MOG: variants seen among roughly 807,000 people sequenced by gnomAD.
MOG encodes the protein myelin oligodendrocyte glycoprotein, also known as myelin-oligodendrocyte glycoprotein.
Under a neutral mutation model 35.9 loss-of-function variants are expected in MOG, and 20 were observed. The ratio of observed to expected loss-of-function variants is 0.56; its 90% confidence interval spans 0.39 to 0.81. The LOEUF (loss-of-function observed/expected upper bound fraction) is 0.81. Ranked by LOEUF, MOG falls within the 30% of genes least tolerant of loss-of-function variation. The pLI is 0.00. For missense variants in MOG, 251 were observed against 301.0 expected, an observed-to-expected ratio of 0.83 and a Z score of 1.23; for synonymous variants, 92 against 114.3, an observed-to-expected ratio of 0.80 and a Z score of 1.25.
intron 5 of MOG, among the ~76,000 whole-genome samples, chr6:29,669,928 GCCCAC>G (rs1771089086): frequency 6.6e-6 from 1 of 151,816 alleles, no homozygotes; most frequent in East Asian, 1.9e-4. Flanking sequence ...GTGCCACCAC[GCCCAC>G]CTAATTTTTA....
At chr6:29,669,070 G>A (rs761691467) in intron 5 of MOG, among the ~76,000 whole-genome samples, 5 of 151,662 alleles carry the variant, frequency 3.3e-5, no homozygotes, top group Admixed American at 6.6e-5. Flanking sequence ...ACAGGTGCCC[G>A]CCACCACACC....
chr6:29,660,562 G>GCGCA (rs1339280106), intron 2 of MOG, among the ~76,000 whole-genome samples: 11 of 129,200 alleles, frequency 8.5e-5, no homozygotes, highest in African/African-American at 3.3e-4. Flanking sequence ...ATTTGTGAGC[G>GCGCA]CACACACACA....
chr6:29,668,010 C>A, intron 5 of MOG, 86 bp downstream of exon 5: 3 of 1,292,522 alleles, frequency 2.3e-6, no homozygotes, highest in Non-Finnish European at 3.4e-6. Context: ...GGACCCCTGG[C>A]TCCTGGTTGA....
Position 29,670,195 on chromosome 6 carries a change from C to T in MOG, c.593-86C>T, listed in dbSNP as rs764633389. 1 of 1,613,818 alleles carries T rather than the reference C, an allele frequency of 6.2e-7. No individual in the cohort carries two copies. The highest frequency in any genetic ancestry group is 8.5e-7 in the Non-Finnish European group (1 of 1,179,830). ...CCAGAGTCCTTTGGTGTTCTAGGAC[C>T]CCAGGTTAAGGAACCAAAAAAGACA... is the stretch of plus-strand genomic sequence containing the variant. On this transcript the variant is annotated intron_variant, in intron 5 of 7. Coordinates refer to ENST00000376917, the MANE Select transcript of MOG (RefSeq NM_206809.4). The surrounding 1 kb of genome is among the most constrained non-coding windows in gnomAD (Gnocchi z 4.2).
Position 29,670,012 on chromosome 6 carries a change from A to C in MOG, c.593-269A>C. The C allele has an allele frequency of 1.4e-6, 1 of 698,854 alleles. No individual in the cohort carries two copies. Among genetic ancestry groups the C allele is most frequent in the South Asian group, 1.6e-5 (1 of 63,160 alleles). 43.3% of individuals were successfully genotyped at this position (698,854 alleles called of 1,614,324 possible). On this transcript the variant is annotated intron_variant, in intron 5 of 7. Transcript: ENST00000376917. The surrounding 1 kb of genome is among the most constrained non-coding windows in gnomAD (Gnocchi z 4.2). The stretch of plus-strand genomic sequence containing the variant: ...TCTTGAACTCTTGGCCTCATGATCC[A>C]CCCGTCTCGGACTCCCAGAGTGTTG...
intron 2 of MOG, chr6:29,664,670 T>A (rs986629260): frequency 1.3e-5 from 6 of 451,588 alleles, no homozygotes; most frequent in African/African-American, 1.2e-4. Context: ...AGTGGCACGA[T>A]CATGGCTCAT....
At chr6:29,667,736 T>C in intron 4 of MOG, 73 bp downstream of exon 4, 1 of 1,578,208 alleles carries the variant, frequency 6.3e-7, no homozygotes, top group Non-Finnish European at 8.7e-7. Flanking sequence ...GTCCCGTTCT[T>C]GGACCGTCTC....
chr6:29,667,425 C>A (rs1301932069), intron 3 of MOG, among the ~76,000 whole-genome samples: 2 of 152,176 alleles, frequency 1.3e-5, no homozygotes, highest in Non-Finnish European at 2.9e-5. Context: ...TGGCTTGGAG[C>A]ATTGCTCACA....
Position 29,671,310 on chromosome 6 carries a change from A to C in MOG, c.*125A>C. The C allele has an allele frequency of 1.2e-6, 2 of 1,611,748 alleles. No individual in the cohort carries two copies. The highest frequency in any genetic ancestry group is 2.2e-5 in the East Asian group (1 of 44,878). The stretch of plus-strand genomic sequence containing the variant: ...TTGCTATGGGGACATTCCAATTTGC[A>C]CTTTCAGGAACACTCTGAATTCCAA... On this transcript the variant is annotated 3_prime_UTR_variant, in exon 8 of 8. Transcript: ENST00000376917.
In MOG at chr6:29,671,201, G is replaced by C. The variant is rs763415325; in HGVS notation, c.*16G>C. The C allele has an allele frequency of 1.9e-6, 3 of 1,612,856 alleles. No individual in the cohort carries two copies. Among genetic ancestry groups the C allele is most frequent in the South Asian group, 2.2e-5 (2 of 91,076 alleles). ...TCCCTTCTGAGTGATGTCACATCTTGGCAGGGGTGGAGGAGAGCCTGGTTG... is the reference window on the plus strand; with the variant it reads ...TCCCTTCTGAGTGATGTCACATCTTCGCAGGGGTGGAGGAGAGCCTGGTTG... On this transcript the variant is annotated 3_prime_UTR_variant, in exon 8 of 8. Coordinates refer to ENST00000376917, the MANE Select transcript of MOG (RefSeq NM_206809.4).
chr6:29,662,451 C>A lies in MOG; in HGVS notation c.436+2785C>A, dbSNP rs1769034532. ...TGAGCCAAGATCGCGCCATTGCACT[C>A]CAGCCTGGGCAACAAGAGCAAAACT... On this transcript the variant is annotated intron_variant, in intron 2 of 7. Coordinates refer to ENST00000376917, the MANE Select transcript of MOG (RefSeq NM_206809.4). This position sits in a 1 kb window ranked among gnomAD's most constrained non-coding sequence, Gnocchi z 4.2. Among the ~76,000 whole-genome samples the A allele has an allele frequency of 1.3e-5, 2 of 151,794 alleles. No individual in the cohort carries two copies. Among genetic ancestry groups the A allele is most frequent in the Non-Finnish European group, 1.5e-5 (1 of 67,998 alleles).
intron 2 of MOG, among the ~76,000 whole-genome samples, chr6:29,663,013 T>C (rs1769218127): frequency 6.6e-6 from 1 of 152,166 alleles, no homozygotes; most frequent in East Asian, 1.9e-4. Flanking sequence ...CTCACACCTG[T>C]AATCCCAGTA....
Position 29,661,549 on chromosome 6 carries a change from G to T in MOG, c.436+1883G>T, listed in dbSNP as rs1004177326. On this transcript the variant is annotated intron_variant, in intron 2 of 7. Transcript: ENST00000376917. ...CAAAAAAGGAAGACAAGCCGGTTGC[G>T]GTGGCTCACACCTATAATCCCAAAA... 7 of 985,204 alleles carry T rather than the reference G, an allele frequency of 7.1e-6. No individual in the cohort carries two copies. In the Admixed American group the frequency reaches 4.3e-4, roughly 61 times the overall value. 61.0% of individuals were successfully genotyped at this position (985,204 alleles called of 1,614,324 possible).
At position 29,670,986 on chromosome 6, in the gene MOG, A is replaced by C; in HGVS notation, c.731-186A>C. The C allele has an allele frequency of 1.2e-6, 2 of 1,612,304 alleles. No individual in the cohort carries two copies. Among genetic ancestry groups the C allele is most frequent in the Non-Finnish European group, 1.7e-6 (2 of 1,179,826 alleles). ...TCCTCCTTCACTGCCCCTAAGCAGG[A>C]ATCCAACCCTAGCTGGTCTCATTGC... is the stretch of plus-strand genomic sequence containing the variant. On this transcript the variant is annotated intron_variant, in intron 7 of 7. Transcript: ENST00000376917. The surrounding 1 kb of genome is among the most constrained non-coding windows in gnomAD (Gnocchi z 4.2).
chr6:29,666,009 T>G lies in MOG; in HGVS notation c.437-143T>G, dbSNP rs969216886. 5 of 750,420 alleles carry G rather than the reference T, an allele frequency of 6.7e-6. No individual in the cohort carries two copies. The African/African-American group carries it at 8.5e-5, about 13-fold the overall frequency. 46.5% of individuals were successfully genotyped at this position (750,420 alleles called of 1,614,324 possible). A position where few individuals can be genotyped will look rare whatever the true frequency, so the allele number is the denominator to read the frequency against. On this transcript the variant is annotated intron_variant, in intron 2 of 7. Transcript: ENST00000376917. ...AGCCATTTTTCCTTCAGGGCTAAGCTCAGGGACCAATTCTGTGTCACCTTC... is the reference window on the plus strand; with the variant it reads ...AGCCATTTTTCCTTCAGGGCTAAGCGCAGGGACCAATTCTGTGTCACCTTC...
chr6:29,667,781 C>T (rs1176499002), intron 4 of MOG, 118 bp downstream of exon 4: 6 of 1,537,166 alleles, frequency 3.9e-6, no homozygotes, highest in East Asian at 2.2e-5. Flanking sequence ...CTCAGTTTCC[C>T]TTTCTCTACA....
intron 1 of MOG, among the ~76,000 whole-genome samples, chr6:29,657,663 C>CTTTT (rs9278226): frequency 3.7e-3 from 408 of 109,528 alleles, no homozygotes; most frequent in Non-Finnish European, 4.9e-3. Context: ...TTTTTCTTTT[C>CTTTT]TTTTTTTTTT....
chr6:29,659,760 T>G, intron 2 of MOG, 94 bp downstream of exon 2: 1 of 1,000,546 alleles, frequency 1.0e-6, no homozygotes, highest in Non-Finnish European at 1.5e-6. Flanking sequence ...CCCAAACATC[T>G]CAGTCCTGGG....
At chr6:29,661,828 A>G (rs1405051341) in intron 2 of MOG, 1 of 984,696 alleles carries the variant, frequency 1.0e-6, no homozygotes, top group African/African-American at 1.8e-5. Flanking sequence ...AAAAAAAAAA[A>G]AAAAAAAAAA....
Sources: allele counts gnomAD v4.1 joint callset (sites outside exome capture counted in the v4.1 genomes callset), GRCh38; gene constraint gnomAD v4.1.1; non-coding constraint Gnocchi (gnomAD v3.1); transcripts MANE v1.5; gene names NCBI Gene and HGNC (gene_info 2026-07-23, HGNC 2026-07-21).